MARCHF3: variants seen among roughly 807,000 people sequenced by gnomAD.
MARCHF3 encodes E3 ubiquitin-protein ligase MARCHF3.
MARCHF3 carries 13 observed loss-of-function variants against 24.2 expected under a neutral mutation model. The ratio of observed to expected loss-of-function variants is 0.54; its 90% CI spans 0.35 to 0.85. MARCHF3 has a LOEUF of 0.85. Ranked by LOEUF, MARCHF3 falls within the 40% of genes least tolerant of loss-of-function variation. MARCHF3 has a pLI of 0.01. For synonymous variants in MARCHF3, 144 were observed against 137.3 expected (o/e 1.05, Z -0.34); for missense variants, 276 against 325.0 (o/e 0.85, Z 1.16).
intron 1 of MARCHF3, among the ~76,000 whole-genome samples, chr5:126,972,450 AC>A (rs1398385376): frequency 6.6e-6 from 1 of 152,152 alleles, no homozygotes; most frequent in African/African-American, 2.4e-5. Flanking sequence ...GTTCTGTGTT[AC>A]AAGTCATGTG....
chr5:126,954,199 A>ATTTTTTTTTTTTTTTT (rs750262766), intron 1 of MARCHF3, among the ~76,000 whole-genome samples: 3 of 114,086 alleles, frequency 2.6e-5, no homozygotes, highest in African/African-American at 3.5e-5. Context: ...CGCCCGGCTA[A>ATTTTTTTTTTTTTTTT]TTTTTTTTTT....
chr5:127,022,584 G>A (rs1307986377), intron 1 of MARCHF3, among the ~76,000 whole-genome samples: 2 of 152,214 alleles, frequency 1.3e-5, no homozygotes, highest in Non-Finnish European at 2.9e-5. Flanking sequence ...ACATCTACTA[G>A]TTGCAAGAAA....
rs753521240 is a variant in MARCHF3, at chr5:126,870,686, A to G, written c.709T>C (p.Ser237Pro). ...TTGACCGAATGGAGGCCCAGCAAGG[A>G]CGGCTGGTTAGAAGGTACATTGACA... ...KSVNVPSNQP[S>P]LLGLHSVKRN... The change falls in exon 5 of 5, where the codon TCC becomes CCC. Residue 237 changes from serine (S) to proline (P), a missense_variant. Coordinates refer to ENST00000308660, the MANE Select transcript of MARCHF3 (RefSeq NM_178450.5). The G allele has an allele frequency of 6.2e-7, 1 of 1,614,194 alleles. No individual in the cohort carries two copies. The highest frequency in any genetic ancestry group is 8.5e-7 in the Non-Finnish European group (1 of 1,180,036).
intron 1 of MARCHF3, among the ~76,000 whole-genome samples, chr5:126,968,041 A>G (rs1465587383): frequency 1.3e-5 from 2 of 152,094 alleles, no homozygotes; most frequent in Non-Finnish European, 2.9e-5. Flanking sequence ...TCTACTCTGG[A>G]TATTTCATGT....
At chr5:126,954,088 C>T (rs1750345600) in intron 1 of MARCHF3, among the ~76,000 whole-genome samples, 1 of 151,886 alleles carries the variant, frequency 6.6e-6, no homozygotes, top group Admixed American at 6.6e-5. Context: ...ACCCTGTCGC[C>T]CAGGCGCAAT....
chr5:126,872,205 G>A (rs1300621736), intron 4 of MARCHF3, among the ~76,000 whole-genome samples: 1 of 145,102 alleles, frequency 6.9e-6, no homozygotes, highest in Non-Finnish European at 1.5e-5. Flanking sequence ...TCAGCCTCCC[G>A]AGTAGCCACC....
chr5:126,873,479 C>T (rs1753041310), intron 4 of MARCHF3, among the ~76,000 whole-genome samples: 1 of 151,680 alleles, frequency 6.6e-6, no homozygotes, highest in Non-Finnish European at 1.5e-5. Flanking sequence ...TCGGCGTGGT[C>T]CTGGACCAGC....
intron 1 of MARCHF3, among the ~76,000 whole-genome samples, chr5:127,005,062 G>C (rs1281069407): frequency 2.0e-5 from 3 of 151,582 alleles, no homozygotes; most frequent in Non-Finnish European, 4.4e-5. Flanking sequence ...GTCCAGAAAA[G>C]AGTTCCGTCC....
At chr5:126,884,692 T>C (rs770323031) in intron 3 of MARCHF3, among the ~76,000 whole-genome samples, 6 of 152,208 alleles carry the variant, frequency 3.9e-5, no homozygotes, top group African/African-American at 1.4e-4. Context: ...GTAAGTCCTA[T>C]TGGCACTGCC....
chr5:126,956,414 A>G (rs1014735759), intron 1 of MARCHF3, among the ~76,000 whole-genome samples: 1 of 152,046 alleles, frequency 6.6e-6, no homozygotes, highest in Admixed American at 6.6e-5. Flanking sequence ...CAAGGAATGC[A>G]AATAGCTTGA....
intron 1 of MARCHF3, among the ~76,000 whole-genome samples, chr5:127,007,137 C>G (rs2126854746): frequency 6.6e-6 from 1 of 152,038 alleles, no homozygotes; most frequent in East Asian, 1.9e-4. Flanking sequence ...ATAAAACAAG[C>G]CTTTTGTCTC....
chr5:127,020,654 C>G (rs551921617), intron 1 of MARCHF3, among the ~76,000 whole-genome samples: 3 of 152,170 alleles, frequency 2.0e-5, no homozygotes, highest in Admixed American at 2.0e-4. Context: ...AGTTCATGAT[C>G]AGACTGAGCA....
At chr5:126,937,827 CAAG>C (rs771250592) in intron 1 of MARCHF3, among the ~76,000 whole-genome samples, 4 of 152,064 alleles carry the variant, frequency 2.6e-5, no homozygotes, top group Non-Finnish European at 5.9e-5. Context: ...TTTCTTCCCC[CAAG>C]ATTAGAGTTA....
At chr5:127,024,664 T>C (rs1215202429) in intron 1 of MARCHF3, among the ~76,000 whole-genome samples, 1 of 152,242 alleles carries the variant, frequency 6.6e-6, no homozygotes, top group Non-Finnish European at 1.5e-5. Flanking sequence ...GAGCTAGTTC[T>C]TATCACCACT....
At chr5:127,028,643 A>C (rs1452019682) in intron 1 of MARCHF3, among the ~76,000 whole-genome samples, 1 of 151,868 alleles carries the variant, frequency 6.6e-6, no homozygotes, top group Non-Finnish European at 1.5e-5. Context: ...TCTGATATAC[A>C]TGCCATACTG....
intron 1 of MARCHF3, among the ~76,000 whole-genome samples, chr5:126,938,582 T>C (rs1749723793): frequency 6.6e-6 from 1 of 152,002 alleles, no homozygotes; most frequent in African/African-American, 2.4e-5. Context: ...AAAAAAACCC[T>C]TAGAGCCAAA....
At chr5:126,961,376 G>T (rs1377102682) in intron 1 of MARCHF3, among the ~76,000 whole-genome samples, 1 of 152,118 alleles carries the variant, frequency 6.6e-6, no homozygotes, top group African/African-American at 2.4e-5. Context: ...AATTTGGGGT[G>T]TTCAATCCCC....
chr5:127,005,444 T>C (rs1580478474), intron 1 of MARCHF3, among the ~76,000 whole-genome samples: 1 of 152,124 alleles, frequency 6.6e-6, no homozygotes, highest in Non-Finnish European at 1.5e-5. Flanking sequence ...CCAGGAAGTT[T>C]TGATTGAAAG....
At chr5:126,917,697 T>C (rs1748930322) in intron 2 of MARCHF3, among the ~76,000 whole-genome samples, 1 of 152,204 alleles carries the variant, frequency 6.6e-6, no homozygotes. Flanking sequence ...CAAGAGAGCA[T>C]AACAATGTCA....
Sources: gnomAD v4.1 joint callset for allele counts (sites outside exome capture counted in the v4.1 genomes callset) on GRCh38, gnomAD v4.1.1 for gene constraint, MANE v1.5 for transcripts, NCBI Gene and HGNC (gene_info 2026-07-23, HGNC 2026-07-21) for gene names.